The following FBXL17 variants were observed in gnomAD, a reference collection of about 807,000 sequenced individuals.
FBXL17 encodes F-box and leucine rich repeat protein 17, also known as F-box/LRR-repeat protein 17.
A neutral mutation model predicts 66.2 loss-of-function variants in FBXL17; 22 were observed. The observed-to-expected ratio is 0.33, with a 90% CI of 0.24 to 0.47. The LOEUF (loss-of-function observed/expected upper bound fraction) is 0.47. FBXL17 is among the 20% of genes least tolerant of loss of function. The pLI is 1.00. For missense variants in FBXL17, 878 were observed against 948.2 expected (o/e 0.93, Z 0.97); for synonymous variants, 474 against 400.5 (o/e 1.18, Z -2.19).
intron 6 of FBXL17, among the ~76,000 whole-genome samples, chr5:108,046,638 A>G (rs562204143): frequency 2.6e-5 from 4 of 152,254 alleles, no homozygotes; most frequent in South Asian, 4.1e-4. Flanking sequence ...ATTATCTTAT[A>G]TATCTATAAT....
At chr5:108,335,190 A>G (rs772481387) in intron 4 of FBXL17, among the ~76,000 whole-genome samples, 96 of 151,782 alleles carry the variant, frequency 6.3e-4, no homozygotes, top group Middle Eastern at 3.4e-3. Context: ...AAACATTTTG[A>G]GTTCTTGAAT....
chr5:108,087,813 C>A (rs1749028705), intron 6 of FBXL17, among the ~76,000 whole-genome samples: 1 of 152,044 alleles, frequency 6.6e-6, no homozygotes, highest in Non-Finnish European at 1.5e-5. Context: ...ACATATAGAA[C>A]AAATGTTGGT....
intron 7 of FBXL17, among the ~76,000 whole-genome samples, chr5:107,926,750 G>C (rs1018267215): frequency 6.6e-6 from 1 of 151,910 alleles, no homozygotes; most frequent in Non-Finnish European, 1.5e-5. Flanking sequence ...TTTATTTTCT[G>C]CTTCAAAATA....
At chr5:108,049,151 T>G (rs1747373702) in intron 6 of FBXL17, among the ~76,000 whole-genome samples, 1 of 151,692 alleles carries the variant, frequency 6.6e-6, no homozygotes, top group African/African-American at 2.4e-5. Context: ...TATTCAACAT[T>G]CTTTTTTTTT....
At chr5:108,236,935 A>C (rs1755631282) in intron 4 of FBXL17, among the ~76,000 whole-genome samples, 1 of 152,196 alleles carries the variant, frequency 6.6e-6, no homozygotes, top group South Asian at 2.1e-4. Flanking sequence ...GAGATTTACC[A>C]GTCTAAAACA....
At chr5:108,139,691 T>C (rs75405718) in intron 6 of FBXL17, among the ~76,000 whole-genome samples, 2 of 152,324 alleles carry the variant, frequency 1.3e-5, no homozygotes, top group East Asian at 3.9e-4. Context: ...TGAGAGGATC[T>C]CAAGCCTGCA....
intron 6 of FBXL17, among the ~76,000 whole-genome samples, chr5:108,126,962 A>G (rs554022110): frequency 2.0e-5 from 3 of 152,116 alleles, no homozygotes; most frequent in African/African-American, 7.2e-5. Context: ...AACATCAAAA[A>G]ATTTCCATTT....
At chr5:108,281,548 G>A (rs2941698) in intron 4 of FBXL17, among the ~76,000 whole-genome samples, 117,282 of 151,744 alleles carry the variant, frequency 0.77, 45,936 homozygotes, top group East Asian at 0.93. Flanking sequence ...CTGAGAGGGA[G>A]GTTTATTGCA....
intron 7 of FBXL17, among the ~76,000 whole-genome samples, chr5:108,017,337 A>G (rs1351505490): frequency 6.6e-6 from 1 of 152,196 alleles, no homozygotes; most frequent in Non-Finnish European, 1.5e-5. Context: ...CTGGAGATCA[A>G]GTAGGCAGGT....
At chr5:107,943,391 T>G (rs73780463) in intron 7 of FBXL17, among the ~76,000 whole-genome samples, 1 of 152,068 alleles carries the variant, frequency 6.6e-6, no homozygotes, top group Admixed American at 6.6e-5. Flanking sequence ...GTTGAAGCCA[T>G]GACCATCCAC....
At chr5:107,993,830 A>C (rs1183802176) in intron 7 of FBXL17, among the ~76,000 whole-genome samples, 7 of 152,186 alleles carry the variant, frequency 4.6e-5, no homozygotes, top group African/African-American at 1.7e-4. Flanking sequence ...TATGTAGCAA[A>C]CCAAAATTTA....
intron 6 of FBXL17, among the ~76,000 whole-genome samples, chr5:108,118,850 C>T (rs566813821): frequency 9.2e-5 from 14 of 152,264 alleles, no homozygotes; most frequent in African/African-American, 3.4e-4. Flanking sequence ...TCCTTCAGAT[C>T]TATTTTACAC....
At chr5:108,167,709 A>T (rs374322933) in intron 6 of FBXL17, among the ~76,000 whole-genome samples, 1 of 152,214 alleles carries the variant, frequency 6.6e-6, no homozygotes, top group East Asian at 1.9e-4. Flanking sequence ...CAAGAATCAG[A>T]TGAAAATGTC....
At chr5:108,141,560 C>T (rs555472669) in intron 6 of FBXL17, among the ~76,000 whole-genome samples, 1 of 152,346 alleles carries the variant, frequency 6.6e-6, no homozygotes, top group African/African-American at 2.4e-5. Context: ...AGTCCTTTCT[C>T]TTTCCCATCA....
chr5:108,274,288 G>A (rs1383125814), intron 4 of FBXL17, among the ~76,000 whole-genome samples: 1 of 152,148 alleles, frequency 6.6e-6, no homozygotes, highest in Non-Finnish European at 1.5e-5. Flanking sequence ...CACGCCCGGG[G>A]GGGCCAGTTT....
chr5:108,135,391 A>T (rs555917997), intron 6 of FBXL17, among the ~76,000 whole-genome samples: 1 of 152,320 alleles, frequency 6.6e-6, no homozygotes, highest in South Asian at 2.1e-4. Flanking sequence ...TTTCACCCTT[A>T]CATGTAAAAG....
intron 6 of FBXL17, among the ~76,000 whole-genome samples, chr5:108,172,407 G>C (rs1208171915): frequency 6.6e-6 from 1 of 152,170 alleles, no homozygotes; most frequent in Non-Finnish European, 1.5e-5. Context: ...CCTTTTGATG[G>C]GAGGACAGGC....
At chr5:108,001,198 T>C (rs1007151597) in intron 7 of FBXL17, among the ~76,000 whole-genome samples, 5 of 152,152 alleles carry the variant, frequency 3.3e-5, no homozygotes, top group Non-Finnish European at 5.9e-5. Flanking sequence ...CATATACATA[T>C]ATATGTAAAA....
chr5:107,992,874 C>G (rs771622128), intron 7 of FBXL17, among the ~76,000 whole-genome samples: 30 of 152,000 alleles, frequency 2.0e-4, no homozygotes, highest in Non-Finnish European at 1.3e-4. Flanking sequence ...CCCAGCATAA[C>G]AATAATTACA....
Sources: allele counts gnomAD v4.1 joint callset (sites outside exome capture counted in the v4.1 genomes callset), GRCh38; gene constraint gnomAD v4.1.1; transcripts MANE v1.5; gene names NCBI Gene and HGNC (gene_info 2026-07-23, HGNC 2026-07-21).